The following EIF5 variants were observed in gnomAD, a reference collection of about 807,000 sequenced individuals.
The protein encoded by EIF5 is eukaryotic translation initiation factor 5.
EIF5 carries 10 observed loss-of-function variants against 48.3 expected under a neutral mutation model. That is an observed-to-expected ratio of 0.21 (90% CI 0.13 to 0.35). EIF5 has a LOEUF of 0.35. Among genes scored for constraint, EIF5 ranks in the 10% least tolerant of loss-of-function variants. The pLI is 1.00. For missense variants in EIF5, 397 were observed against 533.2 expected (o/e 0.74, Z 2.51); for synonymous variants, 237 against 173.1 (o/e 1.37, Z -2.90).
At position 103,338,855 on chromosome 14, in the gene EIF5, A is replaced by G. The variant is rs143595557; in HGVS notation, c.706A>G (p.Ile236Val). ...ACTCAGTGATGATTTGGAAAGAACA[A>G]TTGAGGAGAGGGTCAATATCCTCTT... is the stretch of plus-strand genomic sequence containing the variant. ...LTLSDDLERT[I>V]EERVNILFDF... The change falls in exon 8 of 12, where the codon ATT becomes GTT. Residue 236 changes from isoleucine to valine, a missense_variant. Ile to Val is a conservative substitution (Grantham distance 29). This residue lies in a region of EIF5 where 126 missense variants were observed against 141.9 expected (regional missense o/e 0.89). Coordinates refer to ENST00000216554, the MANE Select transcript of EIF5 (RefSeq NM_001969.5). 3.0e-5 allele frequency: 49 copies of G among 1,614,108 alleles called. No homozygotes were observed. Among genetic ancestry groups the G allele is most frequent in the Non-Finnish European group, 3.6e-5 (43 of 1,180,044 alleles).
rs1399598454 is a variant in EIF5 at position 103,343,025 on chromosome 14, A to G, written c.*1973A>G. ...TAAACCAGTGTTCAGTCTGGTGCCAAACTTCGAATGGAATACAAATTCACA... is the reference window on the plus strand; with the variant it reads ...TAAACCAGTGTTCAGTCTGGTGCCAGACTTCGAATGGAATACAAATTCACA... On this transcript the variant is annotated 3_prime_UTR_variant, in exon 12 of 12. Transcript: ENST00000216554. The G allele has an allele frequency of 1.3e-5, 2 of 152,666 alleles. No individual in the cohort carries two copies. The highest frequency in any genetic ancestry group is 6.5e-5 in the Admixed American group (1 of 15,278). 9.5% of individuals were successfully genotyped at this position (152,666 alleles called of 1,614,324 possible).
In EIF5 at chr14:103,338,048, A is replaced by G. The variant is rs1039427092; in HGVS notation, c.440-279A>G. On this transcript the variant is annotated intron_variant, in intron 6 of 11. Transcript: ENST00000216554. ...AGGGATGACAGGGATCCTTAGGGCCACCTCTCCCTAGTGGAGGCATCATCA... is the reference window on the plus strand; with the variant it reads ...AGGGATGACAGGGATCCTTAGGGCCGCCTCTCCCTAGTGGAGGCATCATCA... 1.2e-5 allele frequency: 7 copies of G among 581,202 alleles called. No individual in the cohort carries two copies. The Admixed American group carries it at 1.3e-4, about 11-fold the overall frequency. The allele number at this position is 581,202 out of a possible 1,614,324, so 36.0% of individuals were successfully genotyped here. A position where few individuals can be genotyped will look rare whatever the true frequency, so the allele number is the denominator to read the frequency against.
Position 103,342,900 on chromosome 14 carries a change from C to T in EIF5, c.*1848C>T, listed in dbSNP as rs932097060. ...GTGACCTAAGCTAAGTTGCACTCAG[C>T]ATACTCAGTGTCAAGCTAATGAGGT... is the stretch of plus-strand genomic sequence containing the variant. On this transcript the variant is annotated 3_prime_UTR_variant, in exon 12 of 12. Transcript: ENST00000216554. The T allele has an allele frequency of 6.6e-6, 1 of 152,644 alleles. No homozygotes were observed. Among genetic ancestry groups the T allele is most frequent in the Non-Finnish European group, 1.5e-5 (1 of 68,048 alleles). The allele number at this position is 152,644 out of a possible 1,614,324, so 9.5% of individuals were successfully genotyped here.
chr14:103,338,340 T>C lies in EIF5; in HGVS notation c.453T>C (p.Ser151=). 1 of 1,613,456 alleles carries C rather than the reference T, an allele frequency of 6.2e-7. No homozygotes were observed. The highest frequency in any genetic ancestry group is 8.5e-7 in the Non-Finnish European group (1 of 1,179,814). The part of the protein sequence containing the change: ...ILKNPPENSD[S]GTGKKEKEKK... ...TTTTTTCTGTAGAGAATAGTGACAG[T>C]GGTACAGGAAAGAAAGAAAAAGAAA... The change falls in exon 7 of 12, where the codon AGT becomes AGC. Residue 151 remains serine, a synonymous_variant. Coordinates refer to ENST00000216554, the MANE Select transcript of EIF5 (RefSeq NM_001969.5).
chr14:103,340,650 G>A (rs986315527), intron 11 of EIF5, 89 bp downstream of exon 11: 3 of 1,498,340 alleles, frequency 2.0e-6, no homozygotes, highest in Non-Finnish European at 2.7e-6. Context: ...TATAATGGCA[G>A]TTTGGGGTAA....
At chr14:103,336,332 C>A (rs563504014) in intron 4 of EIF5, among the ~76,000 whole-genome samples, 1 of 152,152 alleles carries the variant, frequency 6.6e-6, no homozygotes, top group Non-Finnish European at 1.5e-5. Context: ...CTGTAACCCC[C>A]AGCACTTTGG....
Position 103,336,953 on chromosome 14 carries a change from AAC to A in EIF5, c.327+108_327+109del, listed in dbSNP as rs577972711. 5.0e-5 allele frequency: 72 copies of A among 1,434,138 alleles called. No individual in the cohort carries two copies. In the Admixed American group the frequency reaches 1.7e-3, roughly 33 times the overall value. The allele number at this position is 1,434,138 out of a possible 1,614,324, so 88.8% of individuals were successfully genotyped here. A position where few individuals can be genotyped will look rare whatever the true frequency, so the allele number is the denominator to read the frequency against. On this transcript the variant is annotated intron_variant, in intron 5 of 11. Transcript: ENST00000216554. ...GCAGAGCAAATGTAATTTTAAATCAAACACAAAACTCCAGTTTTCGAGATATT... is the reference window on the plus strand; with the variant it reads ...GCAGAGCAAATGTAATTTTAAATCAAACAAAACTCCAGTTTTCGAGATATT...
At position 103,341,051 on chromosome 14, in the gene EIF5, A is replaced by G. The variant is rs750706189; in HGVS notation, c.1295A>G (p.Ter432=). The G allele has an allele frequency of 3.7e-5, 59 of 1,613,936 alleles. No homozygotes were observed. The highest frequency in any genetic ancestry group is 5.0e-5 in the Admixed American group (3 of 60,008). ...KDDDIDIDAI[*] is the part of the protein sequence containing the mutation. Reference sequence around the variant, plus strand: ...GACGACATCGATATTGATGCCATTTAAAGGGATGGATGCAACCTAGCTTAA... The same window carrying G: ...GACGACATCGATATTGATGCCATTTGAAGGGATGGATGCAACCTAGCTTAA... The change falls in exon 12 of 12, where the codon TAA becomes TGA. Residue 432 remains the stop codon, a stop_retained_variant. Coordinates refer to ENST00000216554, the MANE Select transcript of EIF5 (RefSeq NM_001969.5).
Position 103,341,195 on chromosome 14 carries a change from G to A in EIF5, c.*143G>A, listed in dbSNP as rs1374513097. ...CACTAAAAATCTATTACTGTGAGTG[G>A]TCTGTTATTAAGCCCAATGAGACAT... On this transcript the variant is annotated 3_prime_UTR_variant, in exon 12 of 12. Coordinates refer to ENST00000216554, the MANE Select transcript of EIF5 (RefSeq NM_001969.5). 6 of 704,074 alleles carry A rather than the reference G, an allele frequency of 8.5e-6. No individual in the cohort carries two copies. The highest frequency in any genetic ancestry group is 1.5e-5 in the Non-Finnish European group (6 of 409,090). 43.6% of individuals were successfully genotyped at this position (704,074 alleles called of 1,614,324 possible). A position where few individuals can be genotyped will look rare whatever the true frequency, so the allele number is the denominator to read the frequency against.
At position 103,340,424 on chromosome 14, in the gene EIF5, T is replaced by C; in HGVS notation, c.1072-3T>C. On this transcript the variant is annotated splice_region_variant and splice_polypyrimidine_tract_variant and intron_variant, in intron 10 of 11. Transcript: ENST00000216554. ...CTAAGAGACTTGTACTCACATTTTT[T>C]AGGCCTCTAAGAAATATGTCTCCAA... is the stretch of plus-strand genomic sequence containing the variant. 2 of 1,598,260 alleles carry C rather than the reference T, an allele frequency of 1.3e-6. No homozygotes were observed. The highest frequency in any genetic ancestry group is 1.7e-5 in the Admixed American group (1 of 59,758).
chr14:103,340,578 G>GA lies in EIF5; in HGVS notation c.1206+18dup, dbSNP rs746703927. 6.2e-7 allele frequency: 1 copy of GA among 1,605,220 alleles called. No individual in the cohort carries two copies. The highest frequency in any genetic ancestry group is 8.5e-7 in the Non-Finnish European group (1 of 1,172,382). On this transcript the variant is annotated intron_variant, in intron 11 of 11. Transcript: ENST00000216554. ...AACATTGAGGTAAACATTGGGGGAG[G>GA]AGGGTATTGGATACAGTGCTGGCAT...
At position 103,335,732 on chromosome 14, in the gene EIF5, T is replaced by G; in HGVS notation, c.-129T>G. On this transcript the variant is annotated 5_prime_UTR_variant, in exon 3 of 12. Coordinates refer to ENST00000216554, the MANE Select transcript of EIF5 (RefSeq NM_001969.5). ...AAGCTTACAGCCTCAGTGGCGAAAA[T>G]TTTTTCATGTCAGAGACCGAGAACT... The G allele has an allele frequency of 1.8e-6, 2 of 1,109,742 alleles. No homozygotes were observed. Among genetic ancestry groups the G allele is most frequent in the Non-Finnish European group, 2.6e-6 (2 of 755,320 alleles). The allele number at this position is 1,109,742 out of a possible 1,614,324, so 68.7% of individuals were successfully genotyped here. A position where few individuals can be genotyped will look rare whatever the true frequency, so the allele number is the denominator to read the frequency against.
intron 10 of EIF5, 25 bp downstream of exon 10, chr14:103,339,828 T>C (rs919914233): frequency 1.2e-6 from 2 of 1,604,342 alleles, no homozygotes; most frequent in Non-Finnish European, 1.7e-6. Flanking sequence ...GGTGGGCTCT[T>C]AAAGTTCACA....
chr14:103,338,536 A>C, intron 7 of EIF5, 64 bp downstream of exon 7: 2 of 1,518,324 alleles, frequency 1.3e-6, no homozygotes, highest in East Asian at 4.9e-5. Context: ...CATTTGGTTG[A>C]GGTGGGTGGA....
rs1227810991 is a variant in EIF5, at chr14:103,342,241, C to T, written c.*1189C>T. ...GGTGTAAGACTTGGGATATTTTTTA[C>T]TTCACATTGAATATAGCCAGGCACC... is the stretch of plus-strand genomic sequence containing the variant. On this transcript the variant is annotated 3_prime_UTR_variant, in exon 12 of 12. Coordinates refer to ENST00000216554, the MANE Select transcript of EIF5 (RefSeq NM_001969.5). 2 of 152,250 alleles carry T rather than the reference C, an allele frequency of 1.3e-5. No homozygotes were observed. Among genetic ancestry groups the T allele is most frequent in the African/African-American group, 2.4e-5 (1 of 41,342 alleles). 9.4% of individuals were successfully genotyped at this position (152,250 alleles called of 1,614,324 possible). A position where few individuals can be genotyped will look rare whatever the true frequency, so the allele number is the denominator to read the frequency against.
chr14:103,338,200 G>C (rs1424701626), intron 6 of EIF5, 127 bp from the exon 7 acceptor site: 3 of 1,285,988 alleles, frequency 2.3e-6, no homozygotes, highest in East Asian at 2.3e-5. Context: ...AGGTAGCATT[G>C]TGTGTGCTGT....
chr14:103,344,415 A>G lies in EIF5; in HGVS notation c.*3363A>G, dbSNP rs2089388986. The G allele has an allele frequency of 6.6e-6, 1 of 152,238 alleles. No individual in the cohort carries two copies. The highest frequency in any genetic ancestry group is 2.4e-5 in the African/African-American group (1 of 41,462). 9.4% of individuals were successfully genotyped at this position (152,238 alleles called of 1,614,324 possible). On this transcript the variant is annotated 3_prime_UTR_variant, in exon 12 of 12. Transcript: ENST00000216554. The stretch of plus-strand genomic sequence containing the variant: ...ATGTCAGGACCTCCAGGTGAATGGT[A>G]GGATCTGAGTTGACCCTGCAGTTCG...
chr14:103,341,240 C>A lies in EIF5; in HGVS notation c.*188C>A. 1.8e-6 allele frequency: 1 copy of A among 547,996 alleles called. No individual in the cohort carries two copies. Among genetic ancestry groups the A allele is most frequent in the Non-Finnish European group, 3.3e-6 (1 of 304,300 alleles). The allele number at this position is 547,996 out of a possible 1,614,324, so 33.9% of individuals were successfully genotyped here. On this transcript the variant is annotated 3_prime_UTR_variant, in exon 12 of 12. Transcript: ENST00000216554. ...AGACATCTAGGGAGTCCATACACAT[C>A]AGTGAGCAGATGTAGTTTGCTTATT...
At chr14:103,337,663 A>C (rs951519293) in intron 6 of EIF5, 1 of 339,384 alleles carries the variant, frequency 2.9e-6, no homozygotes, top group Non-Finnish European at 5.8e-6. Context: ...GACATCTTTC[A>C]AAAGTGTATT....
Sources: allele counts gnomAD v4.1 joint callset (sites outside exome capture counted in the v4.1 genomes callset), GRCh38; gene constraint gnomAD v4.1.1; regional missense constraint gnomAD v4.1.1; transcripts MANE v1.5; gene names NCBI Gene and HGNC (gene_info 2026-07-23, HGNC 2026-07-21).